The following AUTS2 variants were observed in gnomAD, a reference collection of about 807,000 sequenced individuals.
AUTS2 encodes the protein autism susceptibility gene 2 protein.
A neutral mutation model predicts 112.4 loss-of-function variants in AUTS2; 17 were observed. The ratio of observed to expected loss-of-function variants is 0.15; its 90% confidence interval spans 0.10 to 0.23. The LOEUF is 0.23. Ranked by LOEUF, AUTS2 falls within the 10% of genes least tolerant of loss-of-function variation. The probability of loss-of-function intolerance (pLI) is 1.00; values close to 1 mark genes in which losing one functional copy is unlikely to be tolerated. For synonymous variants in AUTS2, 751 were observed against 702.7 expected (o/e 1.07, Z -1.09); for missense variants, 1,510 against 1,701.6 (o/e 0.89, Z 1.98).
intron 2 of AUTS2, among the ~76,000 whole-genome samples, chr7:70,030,733 A>AT (rs1342145825): frequency 1.4e-4 from 21 of 152,168 alleles, no homozygotes; most frequent in African/African-American, 5.1e-4. Flanking sequence ...ATAATAGTAA[A>AT]ACGTTCATAG....
At chr7:70,715,089 A>G (rs192530413) in intron 6 of AUTS2, among the ~76,000 whole-genome samples, 2 of 152,346 alleles carry the variant, frequency 1.3e-5, no homozygotes, top group Non-Finnish European at 2.9e-5. Context: ...ACTTTCCCTC[A>G]TCAACTAGAG....
chr7:69,940,529 T>TTTG (rs1796586813), intron 2 of AUTS2, among the ~76,000 whole-genome samples: 1 of 152,132 alleles, frequency 6.6e-6, no homozygotes, highest in Non-Finnish European at 1.5e-5. Context: ...CATGGAGTGA[T>TTTG]GCCACAGGGG....
intron 1 of AUTS2, among the ~76,000 whole-genome samples, chr7:69,833,678 G>A (rs1393682607): frequency 2.0e-5 from 3 of 152,050 alleles, no homozygotes; most frequent in South Asian, 2.1e-4. Flanking sequence ...CAGGTGATCC[G>A]CCTGCCTTGG....
intron 13 of AUTS2, among the ~76,000 whole-genome samples, chr7:70,776,411 A>G (rs1296743721): frequency 6.6e-6 from 1 of 152,206 alleles, no homozygotes; most frequent in Non-Finnish European, 1.5e-5. Flanking sequence ...TGTGGATTCA[A>G]ATTCAACCCC....
At chr7:69,979,528 G>A (rs1334571985) in intron 2 of AUTS2, among the ~76,000 whole-genome samples, 1 of 152,174 alleles carries the variant, frequency 6.6e-6, no homozygotes, top group African/African-American at 2.4e-5. Context: ...TGGAATCACA[G>A]TTTCAAATGT....
At chr7:70,482,398 A>G (rs979758866) in intron 5 of AUTS2, among the ~76,000 whole-genome samples, 3 of 152,196 alleles carry the variant, frequency 2.0e-5, no homozygotes, top group East Asian at 1.9e-4. Context: ...TAAGAGGTCA[A>G]GGAAGGGAAA....
intron 4 of AUTS2, among the ~76,000 whole-genome samples, chr7:70,229,755 A>AT (rs1216748253): frequency 2.7e-5 from 4 of 149,462 alleles, no homozygotes; most frequent in East Asian, 2.0e-4. Context: ...TATTTTCTTC[A>AT]TTTTTTCCCC....
At chr7:70,564,128 G>A (rs1429607408) in intron 5 of AUTS2, among the ~76,000 whole-genome samples, 1 of 152,140 alleles carries the variant, frequency 6.6e-6, no homozygotes, top group East Asian at 1.9e-4. Flanking sequence ...GTCACTAGTA[G>A]ATTATTTTTC....
intron 4 of AUTS2, among the ~76,000 whole-genome samples, chr7:70,242,666 T>C (rs1052542957): frequency 6.6e-6 from 1 of 152,178 alleles, no homozygotes; most frequent in South Asian, 2.1e-4. Flanking sequence ...GTTAATCTTA[T>C]TCAACCTGGT....
chr7:70,759,534 C>A (rs1347535165), intron 6 of AUTS2, among the ~76,000 whole-genome samples: 1 of 152,196 alleles, frequency 6.6e-6, no homozygotes, highest in Non-Finnish European at 1.5e-5. Context: ...GCAGGGTTCC[C>A]TGGAGAGGTT....
At chr7:69,683,852 A>C (rs1400422391) in intron 1 of AUTS2, among the ~76,000 whole-genome samples, 1 of 151,536 alleles carries the variant, frequency 6.6e-6, no homozygotes, top group Non-Finnish European at 1.5e-5. Flanking sequence ...TGGAGGTTGC[A>C]GTGAGCCGAG....
At chr7:70,609,723 G>A (rs570164810) in intron 5 of AUTS2, among the ~76,000 whole-genome samples, 2 of 151,844 alleles carry the variant, frequency 1.3e-5, no homozygotes, top group Non-Finnish European at 2.9e-5. Context: ...CACCACGCCC[G>A]GCCAGGATTG....
At chr7:70,155,814 T>C (rs1807717081) in intron 4 of AUTS2, among the ~76,000 whole-genome samples, 1 of 152,132 alleles carries the variant, frequency 6.6e-6, no homozygotes, top group South Asian at 2.1e-4. Flanking sequence ...CTGGCCACTA[T>C]ACCTCTTTGG....
intron 2 of AUTS2, among the ~76,000 whole-genome samples, chr7:69,999,377 T>C (rs1430384214): frequency 6.6e-6 from 1 of 152,182 alleles, no homozygotes; most frequent in Non-Finnish European, 1.5e-5. Context: ...GTTTCTGCTA[T>C]CTTACAATGA....
intron 5 of AUTS2, among the ~76,000 whole-genome samples, chr7:70,541,288 G>A (rs868786951): frequency 3.3e-5 from 5 of 152,278 alleles, no homozygotes; most frequent in East Asian, 1.9e-4. Flanking sequence ...AATGAGGTGA[G>A]AGACTGTCAC....
At chr7:70,312,255 C>CT (rs1789794547) in intron 4 of AUTS2, among the ~76,000 whole-genome samples, 1 of 152,130 alleles carries the variant, frequency 6.6e-6, no homozygotes. Context: ...CATGGGGTAT[C>CT]TGATTACTTT....
At chr7:69,753,001 C>A (rs1584190438) in intron 1 of AUTS2, among the ~76,000 whole-genome samples, 1 of 152,136 alleles carries the variant, frequency 6.6e-6, no homozygotes, top group East Asian at 1.9e-4. Flanking sequence ...TGTGTACTGT[C>A]TAGAATGAAG....
intron 1 of AUTS2, among the ~76,000 whole-genome samples, chr7:69,855,694 G>A (rs1792688287): frequency 6.6e-6 from 1 of 152,138 alleles, no homozygotes; most frequent in Non-Finnish European, 1.5e-5. Context: ...TTAAATGTTG[G>A]TTGTAGTCCG....
chr7:69,912,106 G>C (rs1795383552), intron 2 of AUTS2, among the ~76,000 whole-genome samples: 1 of 152,214 alleles, frequency 6.6e-6, no homozygotes, highest in South Asian at 2.1e-4. Flanking sequence ...GTGGCAGGGG[G>C]CTGGCGTGTC....
Sources: gnomAD v4.1 joint callset for allele counts (sites outside exome capture counted in the v4.1 genomes callset) on GRCh38, gnomAD v4.1.1 for gene constraint, MANE v1.5 for transcripts, NCBI Gene and HGNC (gene_info 2026-07-23, HGNC 2026-07-21) for gene names.